The following GALNTL6 variants were observed in gnomAD, a reference collection of about 807,000 sequenced individuals.
GALNTL6 encodes the protein polypeptide N-acetylgalactosaminyltransferase-like 6.
Under a neutral mutation model 73.7 loss-of-function variants are expected in GALNTL6, and 46 were observed. That is an observed-to-expected ratio of 0.62 (90% CI 0.49 to 0.80). The LOEUF (loss-of-function observed/expected upper bound fraction) is 0.80, where lower values mean the gene tolerates loss of function less well. GALNTL6 is among the 30% of genes least tolerant of loss of function. The probability of loss-of-function intolerance (pLI) is 0.00; values close to 1 mark genes in which losing one functional copy is unlikely to be tolerated. For synonymous variants in GALNTL6, 259 were observed against 263.7 expected (o/e 0.98, Z 0.17); for missense variants, 604 against 755.0 (o/e 0.80, Z 2.34).
At chr4:171,997,109 G>C (rs148164680) in intron 2 of GALNTL6, among the ~76,000 whole-genome samples, 3 of 152,056 alleles carry the variant, frequency 2.0e-5, no homozygotes, top group Non-Finnish European at 4.4e-5. Flanking sequence ...ACTTGGAATA[G>C]GTCTTGTCTT....
intron 2 of GALNTL6, among the ~76,000 whole-genome samples, chr4:172,035,954 G>A (rs1741917697): frequency 6.6e-6 from 1 of 152,026 alleles, no homozygotes; most frequent in Non-Finnish European, 1.5e-5. Flanking sequence ...AAATTACAAA[G>A]CTATAAAATC....
At chr4:171,907,689 C>G (rs4692642) in intron 2 of GALNTL6, among the ~76,000 whole-genome samples, 80,019 of 149,524 alleles carry the variant, frequency 0.54, 22,299 homozygotes, top group Middle Eastern at 0.67. Flanking sequence ...ATCGCCAAGT[C>G]AATCCTAAGC....
At chr4:172,145,330 T>A (rs142908842) in intron 2 of GALNTL6, among the ~76,000 whole-genome samples, 10,917 of 152,022 alleles carry the variant, frequency 0.072, 374 homozygotes, top group South Asian at 0.13. Flanking sequence ...TTAGTAGAGA[T>A]GTGGTTTCAC....
chr4:172,385,899 T>G (rs1265987821), intron 5 of GALNTL6, among the ~76,000 whole-genome samples: 1 of 151,548 alleles, frequency 6.6e-6, no homozygotes, highest in Non-Finnish European at 1.5e-5. Flanking sequence ...ATTACATTTA[T>G]TGTTTATACA....
At chr4:172,186,377 A>G (rs1735415052) in intron 2 of GALNTL6, among the ~76,000 whole-genome samples, 1 of 152,174 alleles carries the variant, frequency 6.6e-6, no homozygotes, top group South Asian at 2.1e-4. Context: ...GTTCTCCAAG[A>G]TGGTAAACAC....
chr4:172,359,763 T>C (rs1291121214), intron 5 of GALNTL6, among the ~76,000 whole-genome samples: 1 of 152,166 alleles, frequency 6.6e-6, no homozygotes, highest in African/African-American at 2.4e-5. Context: ...TACCCCATAT[T>C]GAATACAGGC....
At chr4:172,442,193 C>T (rs146933967) in intron 5 of GALNTL6, among the ~76,000 whole-genome samples, 2 of 152,284 alleles carry the variant, frequency 1.3e-5, no homozygotes, top group Non-Finnish European at 2.9e-5. Context: ...TTCACTGATT[C>T]AGTGTTGACA....
intron 2 of GALNTL6, among the ~76,000 whole-genome samples, chr4:171,935,489 G>T (rs1371929787): frequency 6.6e-6 from 1 of 152,114 alleles, no homozygotes; most frequent in African/African-American, 2.4e-5. Context: ...TCTGTTTTGA[G>T]ATGGGGTCTC....
At chr4:172,046,411 C>T (rs1171924965) in intron 2 of GALNTL6, among the ~76,000 whole-genome samples, 2 of 152,080 alleles carry the variant, frequency 1.3e-5, no homozygotes, top group Non-Finnish European at 2.9e-5. Context: ...CCCATCAACT[C>T]GTCATTAACA....
chr4:172,780,544 G>A (rs530775460), intron 5 of GALNTL6, among the ~76,000 whole-genome samples: 4 of 152,344 alleles, frequency 2.6e-5, no homozygotes, highest in African/African-American at 9.6e-5. Context: ...GAATTTGGCT[G>A]ATTTCATTGC....
In GALNTL6 at chr4:172,801,635, T is replaced by G. The variant is rs575678585; in HGVS notation, c.554-7726T>G. On this transcript the variant is annotated intron_variant, in intron 5 of 12. Transcript: ENST00000506823. The stretch of plus-strand genomic sequence containing the variant: ...CACTAGGTCTGGGGCTGTTTACTAC[T>G]CCATAAGGGGCCATGCCATGGTGAA... 2.0e-5 allele frequency among the ~76,000 whole-genome samples: 3 copies of G among 152,324 alleles called. No homozygotes were observed. In the South Asian group the frequency reaches 6.2e-4, roughly 32 times the overall value.
intron 5 of GALNTL6, among the ~76,000 whole-genome samples, chr4:172,573,392 A>G (rs1232101542): frequency 1.3e-5 from 2 of 152,156 alleles, no homozygotes; most frequent in Non-Finnish European, 2.9e-5. Context: ...TATTCATCAA[A>G]AAACTGTAGA....
At chr4:171,991,753 T>C (rs531400923) in intron 2 of GALNTL6, among the ~76,000 whole-genome samples, 7,231 of 144,340 alleles carry the variant, frequency 0.05, 361 homozygotes, top group African/African-American at 0.13. Flanking sequence ...TATATATATA[T>C]ATACACATAT....
At chr4:172,803,674 G>A (rs1740790790) in intron 5 of GALNTL6, among the ~76,000 whole-genome samples, 1 of 152,148 alleles carries the variant, frequency 6.6e-6, no homozygotes, top group African/African-American at 2.4e-5. Context: ...TTCATTAGGA[G>A]TTGCAAAAGG....
chr4:172,165,599 C>T (rs1734597910), intron 2 of GALNTL6, among the ~76,000 whole-genome samples: 1 of 152,066 alleles, frequency 6.6e-6, no homozygotes, highest in African/African-American at 2.4e-5. Context: ...CACTGTTTTA[C>T]TATTTTATGA....
intron 10 of GALNTL6, among the ~76,000 whole-genome samples, chr4:172,970,112 G>A (rs542664096): frequency 1.3e-5 from 2 of 152,038 alleles, no homozygotes; most frequent in Admixed American, 1.3e-4. Context: ...GCTTCAAAGG[G>A]CAAAAAAGGA....
intron 5 of GALNTL6, among the ~76,000 whole-genome samples, chr4:172,518,723 G>A (rs1214064423): frequency 6.6e-6 from 1 of 151,800 alleles, no homozygotes; most frequent in Non-Finnish European, 1.5e-5. Context: ...TCTTTAGAAA[G>A]TGACCTAAAT....
chr4:171,939,594 C>T (rs1248310917), intron 2 of GALNTL6, among the ~76,000 whole-genome samples: 2 of 151,758 alleles, frequency 1.3e-5, no homozygotes, highest in East Asian at 1.9e-4. Flanking sequence ...ATCATGCAAA[C>T]TGTGTTTAAT....
At chr4:172,644,933 AT>A (rs1321069613) in intron 5 of GALNTL6, among the ~76,000 whole-genome samples, 2 of 152,004 alleles carry the variant, frequency 1.3e-5, no homozygotes, top group Non-Finnish European at 2.9e-5. Flanking sequence ...TCTTATTTGC[AT>A]TTCATAATGA....
Sources: allele counts gnomAD v4.1 joint callset (sites outside exome capture counted in the v4.1 genomes callset), GRCh38; gene constraint gnomAD v4.1.1; transcripts MANE v1.5; gene names NCBI Gene and HGNC (gene_info 2026-07-23, HGNC 2026-07-21).